Variants in TTC27 observed in about 807,000 individuals in gnomAD.
TTC27 encodes the protein tetratricopeptide repeat protein 27.
A neutral mutation model predicts 115.9 loss-of-function variants in TTC27; 79 were observed. That is an observed-to-expected ratio of 0.68 (90% CI 0.57 to 0.82). TTC27 has a LOEUF of 0.82. Ranked by LOEUF, TTC27 falls within the 40% of genes least tolerant of loss-of-function variation. The pLI, the probability that TTC27 is intolerant of heterozygous loss-of-function variation, is 0.00. For synonymous variants in TTC27, 401 were observed against 356.0 expected, an observed-to-expected ratio of 1.13 and a Z score of -1.42; for missense variants, 1,054 against 993.1, an observed-to-expected ratio of 1.06 and a Z score of -0.82.
intron 9 of TTC27, among the ~76,000 whole-genome samples, chr2:32,683,336 G>T (rs1341068465): frequency 6.6e-6 from 1 of 152,132 alleles, no homozygotes; most frequent in South Asian, 2.1e-4. Flanking sequence ...CACTTGGAGA[G>T]ACAGGGACAG....
At chr2:32,752,670 G>A (rs1669059033) in intron 12 of TTC27, among the ~76,000 whole-genome samples, 1 of 152,088 alleles carries the variant, frequency 6.6e-6, no homozygotes, top group African/African-American at 2.4e-5. Flanking sequence ...TATGTCTGAA[G>A]GCAGTGAGGG....
intron 8 of TTC27, among the ~76,000 whole-genome samples, chr2:32,676,137 G>T (rs1252839832): frequency 6.6e-6 from 1 of 151,958 alleles, no homozygotes; most frequent in African/African-American, 2.4e-5. Context: ...CAACAGTGGG[G>T]ATAGCTTCAG....
intron 10 of TTC27, among the ~76,000 whole-genome samples, chr2:32,717,283 A>G (rs1559220003): frequency 6.6e-6 from 1 of 151,982 alleles, no homozygotes; most frequent in Non-Finnish European, 1.5e-5. Context: ...CTATATGTTG[A>G]TTTTTTTAAA....
chr2:32,633,839 AGTT>A (rs1664309605), intron 2 of TTC27, 34 bp from the exon 3 acceptor site: 5 of 1,597,170 alleles, frequency 3.1e-6, no homozygotes, highest in Non-Finnish European at 4.3e-6. Context: ...CAGTGATAGT[AGTT>A]CATATTTATT....
In TTC27 at chr2:32,664,380, G is replaced by A. The variant is rs568909636; in HGVS notation, c.718G>A (p.Val240Met). ...AIQFHLECAY[V>M]FLYYYEYRKA... Reference sequence around the variant, plus strand: ...TCAATTCCATCTGGAATGTGCATATGTGTTTTTATATTATTATGAGTACAG... The same window carrying A: ...TCAATTCCATCTGGAATGTGCATATATGTTTTTATATTATTATGAGTACAG... Residue 240 changes from valine (V) to methionine (M), a missense_variant, in exon 6 of 20, where the codon GTG (valine) becomes ATG (methionine). Coordinates refer to ENST00000317907, the MANE Select transcript of TTC27 (RefSeq NM_017735.5). The A allele has an allele frequency of 5.0e-6, 8 of 1,612,718 alleles. No individual in the cohort carries two copies. The highest frequency in any genetic ancestry group is 6.8e-6 in the Non-Finnish European group (8 of 1,179,432).
chr2:32,753,410 G>A (rs1245367721), intron 12 of TTC27, among the ~76,000 whole-genome samples: 3 of 146,072 alleles, frequency 2.1e-5, no homozygotes, highest in African/African-American at 7.6e-5. Flanking sequence ...AAGCATACTC[G>A]GTTAATCCAA....
At chr2:32,655,463 A>T (rs1286382796) in intron 5 of TTC27, among the ~76,000 whole-genome samples, 1 of 152,166 alleles carries the variant, frequency 6.6e-6, no homozygotes, top group Admixed American at 6.6e-5. Flanking sequence ...GCATTTTAAA[A>T]TCTAGCTTTT....
At chr2:32,711,188 A>G (rs1667567915) in intron 10 of TTC27, among the ~76,000 whole-genome samples, 1 of 151,122 alleles carries the variant, frequency 6.6e-6, no homozygotes, top group South Asian at 2.1e-4. Flanking sequence ...CTGGCATTTT[A>G]CCTTTGCATT....
At chr2:32,687,625 A>G (rs192265250) in intron 9 of TTC27, among the ~76,000 whole-genome samples, 274 of 152,362 alleles carry the variant, frequency 1.8e-3, no homozygotes, top group Non-Finnish European at 2.6e-3. Flanking sequence ...TTATCCCATG[A>G]AAACAGTAAG....
At chr2:32,650,922 G>A (rs1474288403) in intron 5 of TTC27, among the ~76,000 whole-genome samples, 1 of 152,128 alleles carries the variant, frequency 6.6e-6, no homozygotes, top group African/African-American at 2.4e-5. Flanking sequence ...CCTAGGGAAA[G>A]ACTTTGGAAA....
Position 32,758,337 on chromosome 2 carries a change from A to G in TTC27, c.1498A>G (p.Ser500Gly), listed in dbSNP as rs1669310272. 1.2e-6 allele frequency: 2 copies of G among 1,614,082 alleles called. No homozygotes were observed. Among genetic ancestry groups the G allele is most frequent in the East Asian group, 2.2e-5 (1 of 44,892 alleles). Residue 500 changes from serine to glycine, a missense_variant, in exon 13 of 20, where the codon AGT becomes GGT. Physicochemically the swap from Ser to Gly is moderately conservative, Grantham distance 56. Transcript: ENST00000317907. ...RQELEKKETP[S>G]LYCLLGDVLG... ...AGAGCTGGAGAAAAAAGAAACGCCT[A>G]GTTTATACTGCTTGCTTGGAGATGT... is the stretch of plus-strand genomic sequence containing the variant.
intron 16 of TTC27, among the ~76,000 whole-genome samples, chr2:32,800,069 C>T (rs1670869516): frequency 6.6e-6 from 1 of 152,184 alleles, no homozygotes; most frequent in Non-Finnish European, 1.5e-5. Flanking sequence ...ATAGCGATAC[C>T]TGCCTAGTAG....
At position 32,669,850 on chromosome 2, in the gene TTC27, C is replaced by A. The variant is rs1665942093; in HGVS notation, c.940-2422C>A. On this transcript the variant is annotated intron_variant, in intron 7 of 19. Transcript: ENST00000317907. ...GCAGTGAGCCGAGATCATGCTACTG[C>A]ACTCCAGCCTAGGTGACTAAGTGAG... Among the ~76,000 whole-genome samples, 4 of 136,182 alleles carry A rather than the reference C, an allele frequency of 2.9e-5. 1 individual carries two copies. The South Asian group carries it at 9.3e-4, about 32-fold the overall frequency. 89.3% of individuals were successfully genotyped at this position (136,182 alleles called of 152,430 possible). A position where few individuals can be genotyped will look rare whatever the true frequency, so the allele number is the denominator to read the frequency against.
chr2:32,758,662 TTTGCTTGTTGCAAAC>T (rs1669329103), intron 13 of TTC27, 143 bp downstream of exon 13: 5 of 735,908 alleles, frequency 6.8e-6, no homozygotes, highest in Middle Eastern at 5.1e-4. Context: ...TAATAGACTT[TTTGCTTGTTGCAAAC>T]TTGCTTGTTG....
At chr2:32,629,647 G>C (rs961634053) in intron 1 of TTC27, among the ~76,000 whole-genome samples, 2 of 148,996 alleles carry the variant, frequency 1.3e-5, no homozygotes, top group African/African-American at 2.5e-5. Flanking sequence ...CACCGTGTTA[G>C]CCAGGATGGT....
intron 9 of TTC27, among the ~76,000 whole-genome samples, chr2:32,697,050 G>C (rs1667011515): frequency 6.6e-6 from 1 of 152,094 alleles, no homozygotes; most frequent in East Asian, 1.9e-4. Flanking sequence ...TAATTAGCCA[G>C]GTGTGGTGGC....
intron 2 of TTC27, among the ~76,000 whole-genome samples, chr2:32,632,503 C>A (rs556527831): frequency 6.6e-6 from 1 of 152,260 alleles, no homozygotes; most frequent in South Asian, 2.1e-4. Context: ...TTTCAGTTCA[C>A]CTTATGGATT....
intron 10 of TTC27, 32 bp from the exon 11 acceptor site, chr2:32,733,796 A>C: frequency 7.2e-7 from 1 of 1,390,438 alleles, no homozygotes; most frequent in Non-Finnish European, 1.0e-6. Flanking sequence ...AGTTATACAT[A>C]TAGATTCTGA....
intron 6 of TTC27, among the ~76,000 whole-genome samples, chr2:32,665,571 T>C (rs1665741550): frequency 6.6e-6 from 1 of 152,192 alleles, no homozygotes; most frequent in South Asian, 2.1e-4. Context: ...AGGTTATTCT[T>C]TTTTTCCACT....
Sources: allele counts gnomAD v4.1 joint callset (sites outside exome capture counted in the v4.1 genomes callset), GRCh38; gene constraint gnomAD v4.1.1; transcripts MANE v1.5; gene names NCBI Gene and HGNC (gene_info 2026-07-23, HGNC 2026-07-21).